AXDND1: variants seen among roughly 807,000 people sequenced by gnomAD.
The protein encoded by AXDND1 is axonemal dynein light chain domain containing 1.
AXDND1 carries 110 observed loss-of-function variants against 137.5 expected under a neutral mutation model. That is an observed-to-expected ratio of 0.80 (90% CI 0.69 to 0.94). AXDND1 has a LOEUF of 0.94. Ranked by LOEUF, AXDND1 falls within the 40% of genes least tolerant of loss-of-function variation. The probability of loss-of-function intolerance (pLI) is 0.00; values close to 1 mark genes in which losing one functional copy is unlikely to be tolerated. For missense variants in AXDND1, 1,191 were observed against 1,169.8 expected (o/e 1.02, Z -0.26); for synonymous variants, 414 against 399.7 (o/e 1.04, Z -0.43).
At chr1:179,402,309 G>A (rs1267144395) in intron 11 of AXDND1, among the ~76,000 whole-genome samples, 1 of 151,362 alleles carries the variant, frequency 6.6e-6, no homozygotes, top group Non-Finnish European at 1.5e-5. Flanking sequence ...CTTGTTTTTC[G>A]AGGTGACTTC....
chr1:179,445,562 C>G (rs1659615072), intron 16 of AXDND1, among the ~76,000 whole-genome samples: 4 of 152,110 alleles, frequency 2.6e-5, no homozygotes, highest in Admixed American at 2.6e-4. Flanking sequence ...CTTTCTGTCT[C>G]TATAGATTTC....
chr1:179,408,381 T>C (rs544018480), intron 11 of AXDND1, among the ~76,000 whole-genome samples: 30 of 152,054 alleles, frequency 2.0e-4, no homozygotes, highest in African/African-American at 7.2e-4. Flanking sequence ...TTATGAAAAA[T>C]TCTTTTTTTT....
intron 12 of AXDND1, among the ~76,000 whole-genome samples, chr1:179,422,071 T>C (rs1199171873): frequency 6.6e-6 from 1 of 151,904 alleles, no homozygotes; most frequent in Admixed American, 6.6e-5. Flanking sequence ...AACAGCAGCT[T>C]TTCCTTTCAT....
chr1:179,419,640 A>C (rs1347262438), intron 12 of AXDND1, among the ~76,000 whole-genome samples: 1 of 41,122 alleles, frequency 2.4e-5, no homozygotes, highest in Admixed American at 3.4e-4. Context: ...GGAGAGGGAG[A>C]GGGAGAGGGG....
intron 17 of AXDND1, among the ~76,000 whole-genome samples, chr1:179,475,876 A>G (rs1472473064): frequency 6.6e-6 from 1 of 151,924 alleles, no homozygotes; most frequent in African/African-American, 2.4e-5. Context: ...TAAGGGAGGG[A>G]CCTGTAATTC....
chr1:179,468,278 T>C (rs1023815431), intron 16 of AXDND1, among the ~76,000 whole-genome samples, 165 bp from the exon 17 acceptor site: 6 of 152,336 alleles, frequency 3.9e-5, no homozygotes, highest in Non-Finnish European at 5.9e-5. Context: ...TCATTAAACA[T>C]TTATTTAGGA....
intron 12 of AXDND1, among the ~76,000 whole-genome samples, chr1:179,429,102 G>A (rs1392067757): frequency 6.6e-6 from 1 of 152,074 alleles, no homozygotes; most frequent in South Asian, 2.1e-4. Flanking sequence ...GTGTGAACCC[G>A]GGAGTTGGAG....
intron 21 of AXDND1, among the ~76,000 whole-genome samples, chr1:179,514,807 A>G (rs1478796423): frequency 2.0e-5 from 3 of 152,166 alleles, no homozygotes; most frequent in African/African-American, 4.8e-5. Context: ...GGCCTTTACC[A>G]TTATATAATG....
rs754484677 is a variant in AXDND1 at position 179,491,728 on chromosome 1, A to G, written c.2282A>G (p.Tyr761Cys). ...LTRKLYQYSS[Y>C]LSSCCKGMVT... Reference sequence around the variant, plus strand: ...AGGAAGTTGTACCAATACTCCAGCTATTTGAGCAGGTGAAGCGGTTATTTT... The same window carrying G: ...AGGAAGTTGTACCAATACTCCAGCTGTTTGAGCAGGTGAAGCGGTTATTTT... Residue 761 changes from tyrosine to cysteine, a missense_variant, in exon 19 of 26, where the codon TAT becomes TGT. Physicochemically the swap from Tyr to Cys is radical, Grantham distance 194. Coordinates refer to ENST00000367618, the MANE Select transcript of AXDND1 (RefSeq NM_144696.6). 4 of 1,558,760 alleles carry G rather than the reference A, an allele frequency of 2.6e-6. No individual in the cohort carries two copies. The highest frequency in any genetic ancestry group is 1.2e-5 in the South Asian group (1 of 81,172).
chr1:179,517,488 T>A (rs928514349), intron 21 of AXDND1, among the ~76,000 whole-genome samples: 4 of 152,218 alleles, frequency 2.6e-5, no homozygotes, highest in African/African-American at 9.6e-5. Flanking sequence ...CGATTCAAAT[T>A]GTTACAAAGT....
intron 20 of AXDND1, among the ~76,000 whole-genome samples, chr1:179,505,051 A>G (rs1668395988): frequency 6.6e-6 from 1 of 151,946 alleles, no homozygotes; most frequent in Admixed American, 6.5e-5. Flanking sequence ...TTTCAAATTC[A>G]TCACCATCCT....
intron 25 of AXDND1, 171 bp from the exon 26 acceptor site, chr1:179,554,341 G>A (rs1469323533): frequency 9.9e-7 from 1 of 1,008,658 alleles, no homozygotes; most frequent in Non-Finnish European, 1.5e-6. Flanking sequence ...TAGGTGATTT[G>A]TTTCTCTTTT....
At chr1:179,511,422 GTATA>G (rs1491189872) in intron 21 of AXDND1, among the ~76,000 whole-genome samples, 1 of 149,420 alleles carries the variant, frequency 6.7e-6, no homozygotes, top group Non-Finnish European at 1.5e-5. Context: ...GTGTGTGTGT[GTATA>G]TGTATATACA....
chr1:179,388,744 T>G (rs919405206), intron 9 of AXDND1, among the ~76,000 whole-genome samples: 11 of 144,548 alleles, frequency 7.6e-5, no homozygotes, highest in Non-Finnish European at 1.7e-4. Context: ...CACACCACCA[T>G]GCCTGGCTAT....
At chr1:179,437,282 GA>G (rs1344942712) in intron 15 of AXDND1, among the ~76,000 whole-genome samples, 1 of 152,160 alleles carries the variant, frequency 6.6e-6, no homozygotes, top group East Asian at 1.9e-4. Context: ...TTAGGCAAAA[GA>G]GATAGCGAGA....
chr1:179,369,651 CA>C (rs59697646), intron 3 of AXDND1, among the ~76,000 whole-genome samples: 76,139 of 130,400 alleles, frequency 0.58, 19,524 homozygotes, highest in East Asian at 0.81. Context: ...GACTCTGTCT[CA>C]AAAAAAAAAA....
Position 179,459,225 on chromosome 1 carries a change from CAAACA to C in AXDND1, c.1799-9216_1799-9212del, listed in dbSNP as rs780207529. 3.0e-3 allele frequency among the ~76,000 whole-genome samples: 452 copies of C among 152,248 alleles called. 1 individual carries two copies. Among genetic ancestry groups the C allele is most frequent in the Non-Finnish European group, 4.6e-3 (316 of 68,020 alleles). ...AATAATGGCCTTGAACTCCTGGGTT[CAAACA>C]ATCCTCCTGCCTCAGCCTCCTGAGT... On this transcript the variant is annotated intron_variant, in intron 16 of 25. Transcript: ENST00000367618.
chr1:179,506,798 C>T lies in AXDND1; in HGVS notation c.2389-2498C>T, dbSNP rs1668581469. 4.2e-6 allele frequency: 4 copies of T among 953,768 alleles called. No homozygotes were observed. In the African/African-American group the frequency reaches 7.1e-5, roughly 17 times the overall value. 59.1% of individuals were successfully genotyped at this position (953,768 alleles called of 1,614,324 possible). ...TCTGCCCTGTGTAGTCTGCCATCCA[C>T]CTTGGACCACAATAGGCTTTCTTTA... On this transcript the variant is annotated intron_variant, in intron 20 of 25. Coordinates refer to ENST00000367618, the MANE Select transcript of AXDND1 (RefSeq NM_144696.6).
At chr1:179,385,869 T>G (rs1469026526) in intron 9 of AXDND1, among the ~76,000 whole-genome samples, 1 of 152,156 alleles carries the variant, frequency 6.6e-6, no homozygotes. Context: ...CTTGGGGCAA[T>G]AAGAGAATTT....
Sources: allele counts gnomAD v4.1 joint callset (sites outside exome capture counted in the v4.1 genomes callset), GRCh38; gene constraint gnomAD v4.1.1; transcripts MANE v1.5; gene names NCBI Gene and HGNC (gene_info 2026-07-23, HGNC 2026-07-21).